ERCC2: variants seen among roughly 807,000 people sequenced by gnomAD.
ERCC2 encodes the protein ERCC excision repair 2, TFIIH core complex helicase subunit, also known as general transcription and DNA repair factor IIH helicase subunit XPD.
In ERCC2, 90 loss-of-function variants were observed where a neutral mutation model predicts 99.4. That is an observed-to-expected ratio of 0.91 (90% CI 0.76 to 1.08). The LOEUF (loss-of-function observed/expected upper bound fraction) is 1.08, where lower values mean the gene tolerates loss of function less well. Among genes scored for constraint, ERCC2 ranks in the 50% least tolerant of loss-of-function variants. The pLI, the probability that ERCC2 is intolerant of heterozygous loss-of-function variation, is 0.00. For missense variants in ERCC2, 993 were observed against 1,038.1 expected (o/e 0.96, Z 0.60); for synonymous variants, 497 against 432.4 (o/e 1.15, Z -1.85).
Position 45,350,991 on chromosome 19 carries a change from G to A in ERCC2, c.*638C>T, listed in dbSNP as rs1391316277. On this transcript the variant is annotated 3_prime_UTR_variant, in exon 23 of 23. Coordinates refer to ENST00000391945, the MANE Select transcript of ERCC2 (RefSeq NM_000400.4). ...CATGTCACTCAACACACTGAACGTG[G>A]ATGCTCCAAGGGCTCCTGGGACTCA... is the stretch of plus-strand genomic sequence containing the variant. 3 of 1,614,166 alleles carry A rather than the reference G, an allele frequency of 1.9e-6. No individual in the cohort carries two copies. The highest frequency in any genetic ancestry group is 1.1e-5 in the South Asian group (1 of 91,086).
In ERCC2 at chr19:45,352,192, G is replaced by A. The variant is rs368527141; in HGVS notation, c.2190+17C>T. On this transcript the variant is annotated intron_variant, in intron 22 of 22. Coordinates refer to ENST00000391945, the MANE Select transcript of ERCC2 (RefSeq NM_000400.4). ...GCTCAGCCTGGGAGGGTGCCGGGAGGGGGACGCAGGCCTCACCCGGTGGAA... is the reference window on the plus strand; with the variant it reads ...GCTCAGCCTGGGAGGGTGCCGGGAGAGGGACGCAGGCCTCACCCGGTGGAA... The A allele has an allele frequency of 5.6e-6, 9 of 1,612,878 alleles. No individual in the cohort carries two copies. Among genetic ancestry groups the A allele is most frequent in the African/African-American group, 2.7e-5 (2 of 74,890 alleles).
chr19:45,351,230 G>A lies in ERCC2; in HGVS notation c.*399C>T, dbSNP rs1375375945. On this transcript the variant is annotated 3_prime_UTR_variant, in exon 23 of 23. Transcript: ENST00000391945. Reference sequence around the variant, plus strand: ...CAGGCTGGACCTGGAGCTGGAGGGTGGATGTAACACTTGCCCCTCACCTCC... The same window carrying A: ...CAGGCTGGACCTGGAGCTGGAGGGTAGATGTAACACTTGCCCCTCACCTCC... 34 of 1,590,394 alleles carry A rather than the reference G, an allele frequency of 2.1e-5. No individual in the cohort carries two copies. Among genetic ancestry groups the A allele is most frequent in the Non-Finnish European group, 2.7e-5 (31 of 1,168,204 alleles).
At position 45,350,109 on chromosome 19, in the gene ERCC2, G is replaced by C. The variant is rs1971651411; in HGVS notation, c.*1520C>G. ...AGGGCAAGGCTTTAGGCAGGGGAAG[G>C]ATACGGCCAGGTCAGCACATTAGAA... On this transcript the variant is annotated 3_prime_UTR_variant, in exon 23 of 23. Coordinates refer to ENST00000391945, the MANE Select transcript of ERCC2 (RefSeq NM_000400.4). The C allele has an allele frequency of 1.8e-6, 1 of 551,718 alleles. No homozygotes were observed. The highest frequency in any genetic ancestry group is 3.2e-6 in the Non-Finnish European group (1 of 308,342). The allele number at this position is 551,718 out of a possible 1,614,324, so 34.2% of individuals were successfully genotyped here. A position where few individuals can be genotyped will look rare whatever the true frequency, so the allele number is the denominator to read the frequency against.
rs747867172 is a variant in ERCC2, at chr19:45,351,250, ACCTCC to A, written c.*374_*378del. Reference sequence around the variant, plus strand: ...AGGGTGGATGTAACACTTGCCCCTCACCTCCCCTCCAACCATCCCCTGTGCCTGTC... The same window carrying A: ...AGGGTGGATGTAACACTTGCCCCTCACCTCCAACCATCCCCTGTGCCTGTC... On this transcript the variant is annotated 3_prime_UTR_variant, in exon 23 of 23. Coordinates refer to ENST00000391945, the MANE Select transcript of ERCC2 (RefSeq NM_000400.4). 7.2e-6 allele frequency: 5 copies of A among 694,200 alleles called. No individual in the cohort carries two copies. Among genetic ancestry groups the A allele is most frequent in the Non-Finnish European group, 1.1e-5 (5 of 471,504 alleles). 43.0% of individuals were successfully genotyped at this position (694,200 alleles called of 1,614,324 possible). A position where few individuals can be genotyped will look rare whatever the true frequency, so the allele number is the denominator to read the frequency against.
Position 45,353,224 on chromosome 19 carries a change from C to G in ERCC2, c.1758+18G>C. 6.2e-7 allele frequency: 1 copy of G among 1,613,344 alleles called. No homozygotes were observed. The highest frequency in any genetic ancestry group is 8.5e-7 in the Non-Finnish European group (1 of 1,179,370). ...GCCACCTCCCCGACCCCTCTCCACG[C>G]TGGCCTCGCACACCCACCTCCTGGT... On this transcript the variant is annotated intron_variant, in intron 18 of 22. Transcript: ENST00000391945.
At chr19:45,351,760 G>A in intron 22 of ERCC2, 39 bp from the exon 23 acceptor site, 10 of 1,583,716 alleles carry the variant, frequency 6.3e-6, no homozygotes, top group African/African-American at 1.3e-5. Context: ...GGGCACTGTT[G>A]GGCAGGGGCC....
rs1972528043 is a variant in ERCC2 at position 45,369,242 on chromosome 19, T to C, written c.106-95A>G. ...CTCCCCGACCCCCAATGCCACCAAC[T>C]CAGAACAGCAGGATAACACAGCAGC... On this transcript the variant is annotated intron_variant, in intron 2 of 22. Transcript: ENST00000391945. The C allele has an allele frequency of 3.2e-6, 3 of 927,244 alleles. No individual in the cohort carries two copies. The South Asian group carries it at 4.0e-5, about 12-fold the overall frequency. The allele number at this position is 927,244 out of a possible 1,614,324, so 57.4% of individuals were successfully genotyped here.
intron 15 of ERCC2, 69 bp downstream of exon 15, chr19:45,357,201 C>T: frequency 8.6e-7 from 1 of 1,156,882 alleles, no homozygotes; most frequent in Non-Finnish European, 1.3e-6. Context: ...GTGGGGGAAG[C>T]CAAGGAAGGA....
At chr19:45,366,300 AC>A (rs1555778452) in intron 5 of ERCC2, among the ~76,000 whole-genome samples, 1 of 151,664 alleles carries the variant, frequency 6.6e-6, no homozygotes, top group Non-Finnish European at 1.5e-5. Flanking sequence ...GTGCCACCAC[AC>A]CCGGCTAATT....
At chr19:45,362,284 G>A (rs188795470) in intron 11 of ERCC2, among the ~76,000 whole-genome samples, 1 of 152,274 alleles carries the variant, frequency 6.6e-6, no homozygotes, top group East Asian at 1.9e-4. Flanking sequence ...CCCAGTCATG[G>A]CATTAATCCC....
chr19:45,354,145 G>A (rs1599728143), intron 17 of ERCC2, among the ~76,000 whole-genome samples: 1 of 152,236 alleles, frequency 6.6e-6, no homozygotes, highest in Non-Finnish European at 1.5e-5. Context: ...ACCCACTCCT[G>A]AGAGCCCGGC....
At position 45,364,265 on chromosome 19, in the gene ERCC2, T is replaced by A; in HGVS notation, c.785A>T (p.Asn262Ile). ...CACCGTCTTCTGCAGGGTCTCCAGG[T>A]TGCCCTGGCACCGGTCAAGGGTCCG... ...TRRTLDRCQG[N>I]LETLQKTVLR... The change falls in exon 9 of 23, where the codon AAC (asparagine) becomes ATC (isoleucine). Residue 262 changes from asparagine (N) to isoleucine (I), a missense_variant. Physicochemically the swap from Asn to Ile is moderately radical, Grantham distance 149. Transcript: ENST00000391945. 2 of 1,613,934 alleles carry A rather than the reference T, an allele frequency of 1.2e-6. No homozygotes were observed. Among genetic ancestry groups the A allele is most frequent in the African/African-American group, 1.3e-5 (1 of 75,054 alleles).
chr19:45,358,820 T>C, intron 12 of ERCC2: 1 of 780,842 alleles, frequency 1.3e-6, no homozygotes, highest in Non-Finnish European at 2.4e-6. Context: ...GCTGCATCTT[T>C]GCTACTGGTT....
At chr19:45,355,469 G>A (rs568019486) in intron 16 of ERCC2, among the ~76,000 whole-genome samples, 196 bp downstream of exon 16, 27 of 152,338 alleles carry the variant, frequency 1.8e-4, no homozygotes, top group East Asian at 5.8e-4. Flanking sequence ...CACACCCAGC[G>A]GTGGAGGTTC....
chr19:45,370,295 C>T, intron 1 of ERCC2, 63 bp from the exon 2 acceptor site: 2 of 1,588,764 alleles, frequency 1.3e-6, no homozygotes, highest in Non-Finnish European at 1.7e-6. Context: ...CTCCACAGTG[C>T]CCGGTCGTCG....
chr19:45,359,312 G>A (rs565657343), intron 12 of ERCC2, among the ~76,000 whole-genome samples: 3 of 152,300 alleles, frequency 2.0e-5, no homozygotes, highest in South Asian at 2.1e-4. Context: ...AGGTAGGGAT[G>A]GAAGATGGGG....
intron 16 of ERCC2, among the ~76,000 whole-genome samples, chr19:45,355,075 G>C (rs945507770): frequency 2.1e-4 from 32 of 152,334 alleles, no homozygotes; most frequent in African/African-American, 7.2e-4. Context: ...GTGCAGAAGG[G>C]GCCGGGCGCT....
In ERCC2 at chr19:45,350,588, G is replaced by A. The variant is rs367610871; in HGVS notation, c.*1041C>T. 525 of 1,613,830 alleles carry A rather than the reference G, an allele frequency of 3.3e-4. 1 individual carries two copies. In the African/African-American group the frequency reaches 5.0e-3, roughly 15 times the overall value. On this transcript the variant is annotated 3_prime_UTR_variant, in exon 23 of 23. Coordinates refer to ENST00000391945, the MANE Select transcript of ERCC2 (RefSeq NM_000400.4). ...CTGTGCTTCGGCTCCTGGGGTGGGC[G>A]TGGGGACTGCATGGGCCTGGGGGAC...
In ERCC2 at chr19:45,367,374, C is replaced by T. The variant is rs1180495834; in HGVS notation, c.360+1256G>A. On this transcript the variant is annotated intron_variant, in intron 5 of 22. Coordinates refer to ENST00000391945, the MANE Select transcript of ERCC2 (RefSeq NM_000400.4). ...ACAAAAATATATATATATATACACA[C>T]ACACACACACACACACACACACACA... 5.8e-3 allele frequency among the ~76,000 whole-genome samples: 480 copies of T among 83,022 alleles called. 1 individual carries two copies. Among genetic ancestry groups the T allele is most frequent in the Middle Eastern group, 0.015 (2 of 134 alleles). The allele number at this position is 83,022 out of a possible 152,430, so 54.5% of individuals were successfully genotyped here.
Sources: gnomAD v4.1 joint callset for allele counts (sites outside exome capture counted in the v4.1 genomes callset) on GRCh38, gnomAD v4.1.1 for gene constraint, MANE v1.5 for transcripts, NCBI Gene and HGNC (gene_info 2026-07-23, HGNC 2026-07-21) for gene names.